KCNH8: variants seen among roughly 807,000 people sequenced by gnomAD.
KCNH8 encodes potassium voltage-gated channel subfamily H member 8.
Under a neutral mutation model 103.6 loss-of-function variants are expected in KCNH8, and 70 were observed. The observed-to-expected ratio is 0.68, with a 90% confidence interval of 0.56 to 0.82. The LOEUF is 0.82. KCNH8 is among the 40% of genes least tolerant of loss of function. The pLI is 0.00. For missense variants in KCNH8, 1,217 were observed against 1,329.9 expected, an observed-to-expected ratio of 0.92 and a Z score of 1.32; for synonymous variants, 498 against 489.4, an observed-to-expected ratio of 1.02 and a Z score of -0.23.
chr3:19,244,622 C>A (rs1180706425), intron 1 of KCNH8, among the ~76,000 whole-genome samples: 1 of 152,158 alleles, frequency 6.6e-6, no homozygotes. Context: ...CACAGCTTCA[C>A]CAGCATCTGT....
rs2069237040 is a variant in KCNH8 at position 19,534,673 on chromosome 3, A to G, written c.*574A>G. ...TGAAAACGTCTTTATTTATCAAAAA[A>G]ACACAGAGGCTATTTTTATATCCTT... On this transcript the variant is annotated 3_prime_UTR_variant, in exon 16 of 16. Coordinates refer to ENST00000328405, the MANE Select transcript of KCNH8 (RefSeq NM_144633.3). The G allele has an allele frequency of 6.5e-6, 1 of 152,756 alleles. No individual in the cohort carries two copies. The highest frequency in any genetic ancestry group is 2.4e-5 in the African/African-American group (1 of 41,464). 9.5% of individuals were successfully genotyped at this position (152,756 alleles called of 1,614,324 possible). A position where few individuals can be genotyped will look rare whatever the true frequency, so the allele number is the denominator to read the frequency against.
intron 1 of KCNH8, among the ~76,000 whole-genome samples, chr3:19,220,873 A>G (rs1305246219): frequency 6.6e-6 from 1 of 152,052 alleles, no homozygotes; most frequent in Non-Finnish European, 1.5e-5. Context: ...TTTGATGAGG[A>G]TGGCTTCTTT....
intron 1 of KCNH8, among the ~76,000 whole-genome samples, chr3:19,238,642 C>T (rs142753371): frequency 1.2e-4 from 18 of 152,264 alleles, no homozygotes; most frequent in East Asian, 1.2e-3. Flanking sequence ...AATTACTTGT[C>T]CTCCTTGTTT....
At chr3:19,419,357 G>A (rs1169465946) in intron 7 of KCNH8, among the ~76,000 whole-genome samples, 5 of 150,990 alleles carry the variant, frequency 3.3e-5, no homozygotes, top group African/African-American at 1.2e-4. Flanking sequence ...CCGCCACCAC[G>A]CCCGGCTAAT....
At chr3:19,206,168 G>GTGTGTGTGTGTGTGTGTGTATATA (rs979868166) in intron 1 of KCNH8, among the ~76,000 whole-genome samples, 6 of 139,260 alleles carry the variant, frequency 4.3e-5, no homozygotes, top group African/African-American at 1.4e-4. Flanking sequence ...TGGTGTGTGT[G>GTGTGTGTGTGTGTGTGTGTATATA]TATATATATA....
chr3:19,455,048 G>A (rs1037891786), intron 10 of KCNH8, among the ~76,000 whole-genome samples: 1 of 152,068 alleles, frequency 6.6e-6, no homozygotes, highest in African/African-American at 2.4e-5. Context: ...TTTAGCACAT[G>A]TTCACTCTGC....
At chr3:19,158,356 T>C (rs2063201600) in intron 1 of KCNH8, among the ~76,000 whole-genome samples, 1 of 151,802 alleles carries the variant, frequency 6.6e-6, no homozygotes. Context: ...ATTTTAATTA[T>C]AGAATATTTG....
In KCNH8 at chr3:19,533,549, GA is replaced by G. The variant is rs2069205820; in HGVS notation, c.2776del (p.Thr926ArgfsTer84). On this transcript the variant is annotated frameshift_variant, in exon 16 of 16. Coordinates refer to ENST00000328405, the MANE Select transcript of KCNH8 (RefSeq NM_144633.3). LOFTEE classifies it high-confidence loss of function. ...VCPSRESLQTRTSWSAHQPCL... is the reference protein window; with the variant it reads ...VCPSRESLQTXTSWSAHQPCL... ...CCCTCCAGGGAGAGCTTACAGACCA[GA>G]ACGAGCTGGAGTGCACACCAGCCTT... 6.2e-7 allele frequency: 1 copy of G among 1,614,196 alleles called. No individual in the cohort carries two copies. Among genetic ancestry groups the G allele is most frequent in the East Asian group, 2.2e-5 (1 of 44,850 alleles).
intron 7 of KCNH8, among the ~76,000 whole-genome samples, chr3:19,426,302 G>A (rs1424255467): frequency 6.6e-6 from 1 of 152,000 alleles, no homozygotes; most frequent in Non-Finnish European, 1.5e-5. Context: ...TGTAAAACTT[G>A]CCACATGGAA....
intron 13 of KCNH8, among the ~76,000 whole-genome samples, chr3:19,513,806 C>G (rs1028861288): frequency 6.6e-6 from 1 of 152,054 alleles, no homozygotes; most frequent in Non-Finnish European, 1.5e-5. Flanking sequence ...TATTTCTGGT[C>G]TCTTCAATAA....
At chr3:19,296,424 A>G (rs929998134) in intron 3 of KCNH8, among the ~76,000 whole-genome samples, 4 of 152,254 alleles carry the variant, frequency 2.6e-5, no homozygotes, top group African/African-American at 9.6e-5. Flanking sequence ...GACTGATTGC[A>G]TTGATGAAAA....
intron 1 of KCNH8, among the ~76,000 whole-genome samples, chr3:19,190,404 C>G (rs747717319): frequency 6.6e-6 from 1 of 151,964 alleles, no homozygotes; most frequent in South Asian, 2.1e-4. Flanking sequence ...GTCAAGGCCA[C>G]TTGTCTTCAG....
chr3:19,493,551 C>T (rs2068372021), intron 11 of KCNH8, among the ~76,000 whole-genome samples: 1 of 152,104 alleles, frequency 6.6e-6, no homozygotes, highest in South Asian at 2.1e-4. Flanking sequence ...TCTGAGGCCT[C>T]CCCAGCCAAG....
chr3:19,448,475 G>A (rs1380728002), intron 8 of KCNH8, among the ~76,000 whole-genome samples: 1 of 151,900 alleles, frequency 6.6e-6, no homozygotes, highest in East Asian at 1.9e-4. Flanking sequence ...ATTCCATAGA[G>A]AAATTATGTA....
At chr3:19,424,729 A>G (rs2067001712) in intron 7 of KCNH8, among the ~76,000 whole-genome samples, 1 of 152,190 alleles carries the variant, frequency 6.6e-6, no homozygotes, top group Non-Finnish European at 1.5e-5. Flanking sequence ...CAGAATCTAC[A>G]AGGAACTCAG....
At chr3:19,293,457 G>A (rs1365473550) in intron 3 of KCNH8, among the ~76,000 whole-genome samples, 1 of 152,162 alleles carries the variant, frequency 6.6e-6, no homozygotes, top group Non-Finnish European at 1.5e-5. Flanking sequence ...TGACACTTCA[G>A]CATCACCTGG....
chr3:19,416,178 A>C (rs1049766265), intron 7 of KCNH8, among the ~76,000 whole-genome samples: 1 of 152,052 alleles, frequency 6.6e-6, no homozygotes. Context: ...GGTTTACATG[A>C]TACTGATTTT....
intron 1 of KCNH8, among the ~76,000 whole-genome samples, chr3:19,163,819 C>G (rs1178524677): frequency 6.6e-6 from 1 of 152,140 alleles, no homozygotes; most frequent in African/African-American, 2.4e-5. Flanking sequence ...TATGATTATC[C>G]ACTTCCATTT....
rs190235278 is a variant in KCNH8, at chr3:19,312,512, G to A, written c.443-30075G>A. 2.3e-4 allele frequency among the ~76,000 whole-genome samples: 35 copies of A among 151,870 alleles called. 1 individual carries two copies. The highest frequency in any genetic ancestry group is 3.7e-4 in the Non-Finnish European group (25 of 67,872). ...ATATATTGGATTATATTACTTCTTG[G>A]CATTTAAAAGAATGGGAACTCTGAC... On this transcript the variant is annotated intron_variant, in intron 3 of 15. Coordinates refer to ENST00000328405, the MANE Select transcript of KCNH8 (RefSeq NM_144633.3).
Sources: gnomAD v4.1 joint callset for allele counts (sites outside exome capture counted in the v4.1 genomes callset) on GRCh38, gnomAD v4.1.1 for gene constraint, MANE v1.5 for transcripts, NCBI Gene and HGNC (gene_info 2026-07-23, HGNC 2026-07-21) for gene names.